Variants in LRP1B observed in about 807,000 individuals in gnomAD.
LRP1B encodes LDL receptor related protein 1B.
In LRP1B, 217 loss-of-function variants were observed where a neutral mutation model predicts 556.6. The ratio of observed to expected loss-of-function variants is 0.39; its 90% CI spans 0.35 to 0.44. The LOEUF (loss-of-function observed/expected upper bound fraction) is 0.44. LRP1B is among the 20% of genes least tolerant of loss of function. The pLI is 1.00. For synonymous variants in LRP1B, 2,047 were observed against 1,865.8 expected (o/e 1.10, Z -2.50); for missense variants, 5,053 against 5,620.8 (o/e 0.90, Z 3.23).
At chr2:142,057,655 C>T (rs1227426197) in intron 1 of LRP1B, among the ~76,000 whole-genome samples, 2 of 152,076 alleles carry the variant, frequency 1.3e-5, no homozygotes, top group Admixed American at 6.6e-5. Flanking sequence ...AAAAATAATA[C>T]TTGGCAAGAG....
intron 18 of LRP1B, among the ~76,000 whole-genome samples, chr2:140,970,693 ATTTTC>A (rs1209388952): frequency 1.8e-5 from 2 of 109,178 alleles, no homozygotes; most frequent in Non-Finnish European, 3.7e-5. Context: ...AAGTTTTCTG[ATTTTC>A]TTTTAATTTT....
chr2:140,741,854 T>C (rs1368081857), intron 35 of LRP1B, among the ~76,000 whole-genome samples: 3 of 152,174 alleles, frequency 2.0e-5, no homozygotes, highest in Admixed American at 1.3e-4. Context: ...AGTGAGAACA[T>C]GCACTATTTG....
chr2:140,771,657 AT>A (rs1689316774), intron 33 of LRP1B, among the ~76,000 whole-genome samples: 1 of 152,160 alleles, frequency 6.6e-6, no homozygotes, highest in Non-Finnish European at 1.5e-5. Context: ...GCATTCTAGA[AT>A]CCCTGCTGAA....
intron 86 of LRP1B, among the ~76,000 whole-genome samples, chr2:140,256,732 G>T (rs1681712349): frequency 6.6e-6 from 1 of 151,490 alleles, no homozygotes; most frequent in African/African-American, 2.4e-5. Flanking sequence ...TTCCCAAAGT[G>T]CTGGGATTAC....
intron 11 of LRP1B, among the ~76,000 whole-genome samples, chr2:141,037,885 TAC>T (rs765343798): frequency 2.0e-5 from 3 of 148,280 alleles, no homozygotes; most frequent in East Asian, 2.3e-4. Context: ...CACGTGCATG[TAC>T]ACACACACTC....
At chr2:141,929,349 C>T (rs1212001056) in intron 1 of LRP1B, among the ~76,000 whole-genome samples, 2 of 152,088 alleles carry the variant, frequency 1.3e-5, no homozygotes, top group African/African-American at 4.8e-5. Flanking sequence ...TAGGGTGTCA[C>T]ATACTTTAAT....
intron 6 of LRP1B, among the ~76,000 whole-genome samples, chr2:141,216,025 A>C (rs1682796102): frequency 6.6e-6 from 1 of 152,152 alleles, no homozygotes; most frequent in Admixed American, 6.5e-5. Context: ...CAAGGTGAAA[A>C]ATGTCTCAAA....
chr2:142,051,294 A>C (rs564925376), intron 1 of LRP1B, among the ~76,000 whole-genome samples: 45 of 152,158 alleles, frequency 3.0e-4, no homozygotes, highest in Middle Eastern at 3.4e-3. Flanking sequence ...AGTACATTTT[A>C]AATGTGGAAT....
chr2:141,154,636 ATT>A (rs201287219), intron 7 of LRP1B, among the ~76,000 whole-genome samples: 4 of 150,944 alleles, frequency 2.6e-5, no homozygotes, highest in African/African-American at 9.7e-5. Context: ...TGTTTTCTAG[ATT>A]TTTTTTTCAT....
At chr2:140,571,502 A>G (rs778377223) in intron 43 of LRP1B, among the ~76,000 whole-genome samples, 1 of 151,854 alleles carries the variant, frequency 6.6e-6, no homozygotes, top group Non-Finnish European at 1.5e-5. Context: ...TGATAAAAGA[A>G]ATTGAAGAGG....
chr2:141,544,216 T>C (rs1487886586), intron 2 of LRP1B, among the ~76,000 whole-genome samples: 2 of 152,142 alleles, frequency 1.3e-5, no homozygotes, highest in Non-Finnish European at 2.9e-5. Flanking sequence ...CTAGTCATCA[T>C]AATTTCAATT....
At chr2:140,609,807 C>T (rs1683004140) in intron 41 of LRP1B, among the ~76,000 whole-genome samples, 1 of 152,178 alleles carries the variant, frequency 6.6e-6, no homozygotes, top group African/African-American at 2.4e-5. Context: ...AACTAGCCTT[C>T]CCAAATGTCA....
intron 53 of LRP1B, among the ~76,000 whole-genome samples, chr2:140,506,435 G>A (rs1360057344): frequency 6.6e-6 from 1 of 151,912 alleles, no homozygotes; most frequent in Non-Finnish European, 1.5e-5. Context: ...GTAGAGATGG[G>A]GTTTCCCCAT....
At chr2:142,076,107 T>C (rs1705489742) in intron 1 of LRP1B, among the ~76,000 whole-genome samples, 1 of 152,086 alleles carries the variant, frequency 6.6e-6, no homozygotes, top group African/African-American at 2.4e-5. Flanking sequence ...TGCAATAAAA[T>C]GTGACCTTTA....
intron 6 of LRP1B, among the ~76,000 whole-genome samples, chr2:141,209,644 A>T (rs1479985693): frequency 6.6e-6 from 1 of 152,222 alleles, no homozygotes; most frequent in Non-Finnish European, 1.5e-5. Flanking sequence ...TTGCCCATGA[A>T]ATCCTTTTTC....
At chr2:141,734,586 A>T (rs1035141712) in intron 2 of LRP1B, among the ~76,000 whole-genome samples, 1 of 152,078 alleles carries the variant, frequency 6.6e-6, no homozygotes, top group African/African-American at 2.4e-5. Context: ...TAAAATCATA[A>T]TTTTTTAAAT....
At chr2:140,648,940 G>A (rs1343535425) in intron 41 of LRP1B, among the ~76,000 whole-genome samples, 2 of 152,104 alleles carry the variant, frequency 1.3e-5, no homozygotes, top group Non-Finnish European at 2.9e-5. Flanking sequence ...TGTAGATTAT[G>A]ATTAATGGCC....
intron 2 of LRP1B, among the ~76,000 whole-genome samples, chr2:141,808,257 T>A (rs1004756033): frequency 1.3e-5 from 2 of 152,066 alleles, no homozygotes; most frequent in Non-Finnish European, 2.9e-5. Flanking sequence ...CAAATCTGTG[T>A]CATGTCCTTG....
At chr2:141,700,355 C>T (rs949817862) in intron 2 of LRP1B, among the ~76,000 whole-genome samples, 3 of 151,548 alleles carry the variant, frequency 2.0e-5, no homozygotes, top group Non-Finnish European at 2.9e-5. Context: ...GGAATAGCAT[C>T]GATTTATCAA....
Sources: gnomAD v4.1 joint callset for allele counts (sites outside exome capture counted in the v4.1 genomes callset) on GRCh38, gnomAD v4.1.1 for gene constraint, MANE v1.5 for transcripts, NCBI Gene and HGNC (gene_info 2026-07-23, HGNC 2026-07-21) for gene names.